The following GAB3 variants were observed in gnomAD, a reference collection of about 807,000 sequenced individuals.
GAB3 encodes the protein GRB2 associated binding protein 3, also known as GRB2-associated-binding protein 3.
A neutral mutation model predicts 40.4 loss-of-function variants in GAB3; 12 were observed. The ratio of observed to expected loss-of-function variants is 0.30; its 90% CI spans 0.19 to 0.48. The LOEUF (loss-of-function observed/expected upper bound fraction) is 0.48. GAB3 is among the 20% of genes least tolerant of loss of function. The pLI, the probability that GAB3 is intolerant of heterozygous loss-of-function variation, is 0.99. For synonymous variants in GAB3, 154 were observed against 176.7 expected (o/e 0.87, Z 1.02); for missense variants, 381 against 461.9 (o/e 0.82, Z 1.61).
At chrX:154,738,337 G>A (rs1286393230) in intron 1 of GAB3, among the ~76,000 whole-genome samples, 7 of 112,716 alleles carry the variant, frequency 6.2e-5, no homozygotes, top group Non-Finnish European at 1.3e-4. Flanking sequence ...TCAGAACTCT[G>A]TTCTATCCTA....
chrX:154,738,368 G>A (rs1557260800), intron 1 of GAB3, among the ~76,000 whole-genome samples: 1 of 112,728 alleles, frequency 8.9e-6, no homozygotes, highest in Non-Finnish European at 1.9e-5. Flanking sequence ...GAGTAAGCTG[G>A]CAACATTTAG....
intron 1 of GAB3, among the ~76,000 whole-genome samples, chrX:154,720,960 G>GT: frequency 9.0e-6 from 1 of 111,701 alleles, no homozygotes; most frequent in Middle Eastern, 4.7e-3. Context: ...CTGATATGAG[G>GT]GTGCAATCAG....
intron 8 of GAB3, among the ~76,000 whole-genome samples, chrX:154,689,888 C>A (rs4339802): frequency 0.38 from 34,189 of 90,283 alleles, 8,363 homozygotes; most frequent in East Asian, 0.67. Context: ...GCTACCAATG[C>A]CTTTCTTCAC....
chrX:154,732,471 A>G, intron 1 of GAB3, among the ~76,000 whole-genome samples: 1 of 112,169 alleles, frequency 8.9e-6, no homozygotes, highest in Non-Finnish European at 1.9e-5. Flanking sequence ...CTCATTCCAC[A>G]TATAATAAAA....
intron 1 of GAB3, among the ~76,000 whole-genome samples, chrX:154,738,179 C>T (rs1394840914): frequency 3.6e-5 from 4 of 111,997 alleles, no homozygotes; most frequent in Admixed American, 2.8e-4. Context: ...TGTGAGTCAA[C>T]GGTGTGGCGT....
intron 1 of GAB3, among the ~76,000 whole-genome samples, chrX:154,717,571 T>C (rs1190602241): frequency 8.9e-6 from 1 of 112,107 alleles, no homozygotes; most frequent in Admixed American, 9.4e-5. Context: ...CAGAAACCAG[T>C]GCCAAGATTT....
At chrX:154,690,269 A>G (rs1318801177) in intron 8 of GAB3, among the ~76,000 whole-genome samples, 1 of 111,744 alleles carries the variant, frequency 8.9e-6, no homozygotes, top group Non-Finnish European at 1.9e-5. Context: ...AATTAATTCA[A>G]GATGGATTAA....
At chrX:154,735,928 T>C (rs1396213064) in intron 1 of GAB3, among the ~76,000 whole-genome samples, 3 of 112,504 alleles carry the variant, frequency 2.7e-5, no homozygotes, top group Non-Finnish European at 5.6e-5. Context: ...TCAGAGGCTG[T>C]ACATTGTCCA....
intron 4 of GAB3, among the ~76,000 whole-genome samples, chrX:154,701,675 C>T (rs782644759): frequency 5.4e-5 from 6 of 111,929 alleles, no homozygotes; most frequent in Non-Finnish European, 9.4e-5. Flanking sequence ...TTGCAGGCCA[C>T]AAAATCAACA....
chrX:154,691,689 G>C (rs1182921317), intron 8 of GAB3, among the ~76,000 whole-genome samples: 1 of 111,385 alleles, frequency 9.0e-6, no homozygotes, highest in Admixed American at 9.6e-5. Flanking sequence ...TAAAGTTCAC[G>C]TGTAATATTA....
At chrX:154,726,262 T>C (rs963209902) in intron 1 of GAB3, among the ~76,000 whole-genome samples, 5 of 110,327 alleles carry the variant, frequency 4.5e-5, no homozygotes, top group African/African-American at 1.7e-4. Context: ...CATGTGTAGG[T>C]AAAAAATACA....
intron 1 of GAB3, among the ~76,000 whole-genome samples, chrX:154,725,883 A>G (rs1483459848): frequency 1.8e-5 from 2 of 111,444 alleles, no homozygotes; most frequent in Non-Finnish European, 3.8e-5. Context: ...AACTAGCCCT[A>G]GAGTACAGGC....
intron 8 of GAB3, 27 bp from the exon 9 acceptor site, chrX:154,680,275 G>C: frequency 9.4e-7 from 1 of 1,059,481 alleles, no homozygotes; most frequent in Non-Finnish European, 1.3e-6. Context: ...CAGGAGTCAG[G>C]TTAATGATGT....
chrX:154,708,455 A>G (rs1019052785), intron 4 of GAB3, among the ~76,000 whole-genome samples: 3 of 112,474 alleles, frequency 2.7e-5, no homozygotes, highest in Non-Finnish European at 5.6e-5. Context: ...CTAGAGAATG[A>G]GAGAAAATAT....
chrX:154,685,438 G>A (rs782683157), intron 8 of GAB3, among the ~76,000 whole-genome samples: 1 of 111,178 alleles, frequency 9.0e-6, no homozygotes, highest in East Asian at 2.8e-4. Flanking sequence ...GCCTACCAAA[G>A]TGTTCCATCA....
intron 4 of GAB3, among the ~76,000 whole-genome samples, chrX:154,709,512 G>T (rs1181748037): frequency 9.2e-6 from 1 of 109,076 alleles, no homozygotes; most frequent in Admixed American, 9.9e-5. Flanking sequence ...TAGAGACAGG[G>T]TTCCACCATA....
intron 1 of GAB3, among the ~76,000 whole-genome samples, chrX:154,740,214 C>T (rs1459073138): frequency 8.9e-6 from 1 of 111,760 alleles, no homozygotes; most frequent in Non-Finnish European, 1.9e-5. Flanking sequence ...AGACTGGAAA[C>T]AAGAGAAGTT....
chrX:154,693,607 T>C (rs1178297733), intron 8 of GAB3, among the ~76,000 whole-genome samples: 2 of 111,988 alleles, frequency 1.8e-5, no homozygotes, highest in Non-Finnish European at 3.8e-5. Context: ...GATGTGGCTC[T>C]AAAGAGGTAG....
At chrX:154,709,695 G>A (rs1020542315) in intron 4 of GAB3, among the ~76,000 whole-genome samples, 1 of 110,705 alleles carries the variant, frequency 9.0e-6, no homozygotes, top group East Asian at 2.8e-4. Context: ...ATCACTGGAT[G>A]AATGGATAAA....
Sources: gnomAD v4.1 joint callset for allele counts (sites outside exome capture counted in the v4.1 genomes callset) on GRCh38, gnomAD v4.1.1 for gene constraint, MANE v1.5 for transcripts, NCBI Gene and HGNC (gene_info 2026-07-23, HGNC 2026-07-21) for gene names.